EPHA3: variants seen among roughly 807,000 people sequenced by gnomAD.
The protein encoded by EPHA3 is ephrin type-A receptor 3.
A neutral mutation model predicts 107.1 loss-of-function variants in EPHA3; 42 were observed. The observed-to-expected ratio is 0.39, with a 90% CI of 0.31 to 0.51. EPHA3 has a LOEUF of 0.51. EPHA3 is among the 20% of genes least tolerant of loss of function. The probability of loss-of-function intolerance (pLI) is 0.78; values close to 1 mark genes in which losing one functional copy is unlikely to be tolerated. For synonymous variants in EPHA3, 461 were observed against 424.8 expected (o/e 1.09, Z -1.05); for missense variants, 1,183 against 1,211.2 (o/e 0.98, Z 0.35).
chr3:89,420,394 T>C (rs1451291671), intron 11 of EPHA3, among the ~76,000 whole-genome samples: 1 of 151,526 alleles, frequency 6.6e-6, no homozygotes, highest in Non-Finnish European at 1.5e-5. Flanking sequence ...ATGGTTTAAT[T>C]GAAATAGACT....
At chr3:89,138,752 C>T (rs1704367364) in intron 2 of EPHA3, among the ~76,000 whole-genome samples, 1 of 151,788 alleles carries the variant, frequency 6.6e-6, no homozygotes, top group South Asian at 2.1e-4. Flanking sequence ...GATTTAGCAT[C>T]AAGTAGAACT....
intron 3 of EPHA3, among the ~76,000 whole-genome samples, chr3:89,219,688 G>GTGTTTTTTTTTGTTTT: frequency 0.036 from 1,248 of 34,438 alleles, 508 homozygotes; most frequent in East Asian, 0.067. Flanking sequence ...ATTTGGCAAT[G>GTGTTTTTTTTTGTTTT]TTTTTTTTTT....
intron 3 of EPHA3, among the ~76,000 whole-genome samples, chr3:89,238,846 A>C (rs1704830275): frequency 2.6e-5 from 4 of 152,196 alleles, no homozygotes; most frequent in Admixed American, 2.6e-4. Flanking sequence ...ATAATAAACT[A>C]TACTGTGGAC....
chr3:89,169,924 G>A (rs539019857), intron 2 of EPHA3, among the ~76,000 whole-genome samples: 4 of 152,232 alleles, frequency 2.6e-5, no homozygotes, highest in South Asian at 4.1e-4. Flanking sequence ...CCAGATGAAC[G>A]GCTCTGAAAG....
At chr3:89,341,621 T>C in intron 4 of EPHA3, 134 bp from the exon 5 acceptor site, 1 of 732,164 alleles carries the variant, frequency 1.4e-6, no homozygotes, top group East Asian at 2.7e-5. Context: ...ATGGATCCTC[T>C]AAGGATGAAC....
At chr3:89,336,473 T>G (rs1210108664) in intron 3 of EPHA3, among the ~76,000 whole-genome samples, 1 of 152,176 alleles carries the variant, frequency 6.6e-6, no homozygotes, top group Non-Finnish European at 1.5e-5. Context: ...TGCTTATTGA[T>G]GATATAAATT....
chr3:89,192,799 A>G (rs1240125030), intron 2 of EPHA3, among the ~76,000 whole-genome samples: 1 of 152,066 alleles, frequency 6.6e-6, no homozygotes, highest in African/African-American at 2.4e-5. Context: ...GGAGACATGT[A>G]ATATTAGGCA....
chr3:89,348,522 CT>C, intron 5 of EPHA3, among the ~76,000 whole-genome samples: 1 of 136,360 alleles, frequency 7.3e-6, no homozygotes, highest in African/African-American at 3.1e-5. Context: ...CTTTATTAGT[CT>C]TGCTAGCGGT....
chr3:89,262,115 G>A (rs1422930630), intron 3 of EPHA3, among the ~76,000 whole-genome samples: 4 of 151,980 alleles, frequency 2.6e-5, no homozygotes, highest in East Asian at 1.9e-4. Flanking sequence ...AGGAACTCTC[G>A]TATTCATATC....
chr3:89,421,691 A>G (rs1401600971), intron 11 of EPHA3, among the ~76,000 whole-genome samples: 1 of 151,268 alleles, frequency 6.6e-6, no homozygotes, highest in East Asian at 1.9e-4. Flanking sequence ...GCTACTCCTT[A>G]TATTTTCCTG....
intron 5 of EPHA3, among the ~76,000 whole-genome samples, chr3:89,348,126 TC>T (rs1707717641): frequency 6.8e-6 from 1 of 146,296 alleles, no homozygotes; most frequent in Non-Finnish European, 1.5e-5. Context: ...GATGCTGGCC[TC>T]ATAAAATGAG....
intron 13 of EPHA3, among the ~76,000 whole-genome samples, chr3:89,443,773 C>A (rs922186286): frequency 6.6e-6 from 1 of 152,004 alleles, no homozygotes; most frequent in African/African-American, 2.4e-5. Flanking sequence ...CTGGACATCC[C>A]AGATTAGGCA....
At chr3:89,188,817 C>T (rs1705636542) in intron 2 of EPHA3, among the ~76,000 whole-genome samples, 1 of 152,128 alleles carries the variant, frequency 6.6e-6, no homozygotes, top group Admixed American at 6.5e-5. Context: ...GATCCTTGAC[C>T]ACTGTGTCCC....
At chr3:89,377,650 T>C (rs1708427109) in intron 5 of EPHA3, among the ~76,000 whole-genome samples, 1 of 151,948 alleles carries the variant, frequency 6.6e-6, no homozygotes, top group Non-Finnish European at 1.5e-5. Flanking sequence ...TTTTCCCTCA[T>C]TTTTTTTCCT....
chr3:89,236,862 C>T (rs1032637241), intron 3 of EPHA3, among the ~76,000 whole-genome samples: 1 of 151,882 alleles, frequency 6.6e-6, no homozygotes, highest in Non-Finnish European at 1.5e-5. Flanking sequence ...ATATCAATAG[C>T]CCAGTGTGTA....
At chr3:89,475,564 G>T (rs1377326557) in intron 16 of EPHA3, among the ~76,000 whole-genome samples, 1 of 152,148 alleles carries the variant, frequency 6.6e-6, no homozygotes, top group Admixed American at 6.5e-5. Flanking sequence ...CATATTTCAA[G>T]ACATTATTTC....
chr3:89,355,259 C>T (rs1247952654), intron 5 of EPHA3, among the ~76,000 whole-genome samples: 1 of 151,168 alleles, frequency 6.6e-6, no homozygotes, highest in East Asian at 1.9e-4. Context: ...TCCAATTGGG[C>T]CTCAGAGTAG....
At chr3:89,429,301 CAG>C in intron 12 of EPHA3, 134 bp downstream of exon 12, 1 of 551,688 alleles carries the variant, frequency 1.8e-6, no homozygotes, top group South Asian at 4.0e-5. Context: ...GCTAAATAGA[CAG>C]AGAAGGGCTG....
At chr3:89,114,330 C>CT (rs1294227047) in intron 1 of EPHA3, among the ~76,000 whole-genome samples, 1 of 152,184 alleles carries the variant, frequency 6.6e-6, no homozygotes, top group Non-Finnish European at 1.5e-5. Context: ...GTGTTCCTTG[C>CT]TGCCACCACA....
Sources: gnomAD v4.1 joint callset for allele counts (sites outside exome capture counted in the v4.1 genomes callset) on GRCh38, gnomAD v4.1.1 for gene constraint, MANE v1.5 for transcripts, NCBI Gene and HGNC (gene_info 2026-07-23, HGNC 2026-07-21) for gene names.